The following FANCC variants were observed in gnomAD, a reference collection of about 807,000 sequenced individuals.
The protein encoded by FANCC is Fanconi anemia group C protein.
Under a neutral mutation model 71.3 loss-of-function variants are expected in FANCC, and 55 were observed. The observed-to-expected ratio is 0.77, with a 90% confidence interval of 0.62 to 0.97. FANCC has a LOEUF of 0.97. FANCC is among the 50% of genes least tolerant of loss of function. The pLI, the probability that FANCC is intolerant of heterozygous loss-of-function variation, is 0.00. For missense variants in FANCC, 678 were observed against 670.9 expected (o/e 1.01, Z -0.12); for synonymous variants, 275 against 244.9 (o/e 1.12, Z -1.15).
intron 4 of FANCC, among the ~76,000 whole-genome samples, chr9:95,198,065 G>A (rs530152199): frequency 5.2e-4 from 79 of 152,270 alleles, no homozygotes; most frequent in African/African-American, 1.9e-3. Flanking sequence ...AGGGCTCCAT[G>A]CCAGAGTCTT....
At chr9:95,235,075 T>C (rs1444077334) in intron 4 of FANCC, among the ~76,000 whole-genome samples, 35 of 152,198 alleles carry the variant, frequency 2.3e-4, no homozygotes. Context: ...TACCAGGACC[T>C]TGTGTCCAGT....
intron 1 of FANCC, chr9:95,293,863 T>G: frequency 1.2e-6 from 2 of 1,609,260 alleles, no homozygotes; most frequent in Non-Finnish European, 8.5e-7. Flanking sequence ...CATGTACAGA[T>G]GGACCAAGCT....
At chr9:95,155,558 G>GC (rs1830426507) in intron 6 of FANCC, among the ~76,000 whole-genome samples, 1 of 151,592 alleles carries the variant, frequency 6.6e-6, no homozygotes, top group Non-Finnish European at 1.5e-5. Flanking sequence ...CCCATTATTT[G>GC]ATTCTACTGG....
chr9:95,151,129 G>A (rs1028679636), intron 6 of FANCC, among the ~76,000 whole-genome samples: 1 of 152,018 alleles, frequency 6.6e-6, no homozygotes, highest in African/African-American at 2.4e-5. Flanking sequence ...CCTCTTACCC[G>A]TGCTTTACTT....
chr9:95,119,548 T>C (rs915050810), intron 10 of FANCC, among the ~76,000 whole-genome samples: 3 of 152,058 alleles, frequency 2.0e-5, no homozygotes, highest in African/African-American at 7.2e-5. Flanking sequence ...GTATTTTTAG[T>C]AGAGACGGGG....
intron 4 of FANCC, among the ~76,000 whole-genome samples, chr9:95,200,487 A>C (rs1261211483): frequency 1.3e-5 from 2 of 152,174 alleles, no homozygotes; most frequent in Non-Finnish European, 2.9e-5. Context: ...ACTATCAAGG[A>C]GGTCTAAGCA....
At position 95,107,302 on chromosome 9, in the gene FANCC, G is replaced by A. The variant is rs1360176396; in HGVS notation, c.1330-33C>T. The A allele has an allele frequency of 1.9e-6, 3 of 1,599,882 alleles. No individual in the cohort carries two copies. In the East Asian group the frequency reaches 6.7e-5, roughly 36 times the overall value. On this transcript the variant is annotated intron_variant, in intron 13 of 14. Transcript: ENST00000289081. ...ATAGTATTTCACAGGGGAGAGGTTA[G>A]GAAGAGGCAGGACAGACATACTTCT... is the stretch of plus-strand genomic sequence containing the variant.
rs984046096 is a variant in FANCC, at chr9:95,299,736, C to T, written c.-79+17790G>A. On this transcript the variant is annotated intron_variant, in intron 1 of 14. Transcript: ENST00000289081. ...ATTAGCCAGACATGGTGGCGCATGC[C>T]TGTGGTTCCAGCTACACGGGAGGCT... 2.4e-4 allele frequency among the ~76,000 whole-genome samples: 36 copies of T among 152,150 alleles called. 1 individual carries two copies. Among genetic ancestry groups the T allele is most frequent in the Non-Finnish European group, 4.4e-5 (3 of 68,038 alleles).
At chr9:95,192,051 T>C (rs571060604) in intron 4 of FANCC, among the ~76,000 whole-genome samples, 1 of 152,238 alleles carries the variant, frequency 6.6e-6, no homozygotes. Flanking sequence ...TTGTTCTGAA[T>C]GCAGTAATAC....
rs117882425 is a variant in FANCC, at chr9:95,263,886, T to C, written c.-78-14517A>G. On this transcript the variant is annotated intron_variant, in intron 1 of 14. Transcript: ENST00000289081. ...TAGGAACAGGTATATTATGGAAATATAGGGCATGAGAACTGAACTTCAACA... is the reference window on the plus strand; with the variant it reads ...TAGGAACAGGTATATTATGGAAATACAGGGCATGAGAACTGAACTTCAACA... 2.9e-3 allele frequency among the ~76,000 whole-genome samples: 439 copies of C among 152,284 alleles called. 12 individuals are homozygous for C. The highest frequency in any genetic ancestry group is 3.4e-3 in the Non-Finnish European group (229 of 68,014).
At chr9:95,190,550 T>C (rs1484603090) in intron 4 of FANCC, among the ~76,000 whole-genome samples, 1 of 152,172 alleles carries the variant, frequency 6.6e-6, no homozygotes, top group African/African-American at 2.4e-5. Context: ...CAGAACTCCA[T>C]GCTACAAACC....
chr9:95,126,715 C>T (rs377355652), intron 8 of FANCC, 134 bp from the exon 9 acceptor site: 7 of 853,882 alleles, frequency 8.2e-6, no homozygotes, highest in Admixed American at 4.0e-5. Context: ...GTTAGAAGAA[C>T]GAACCACTGC....
At chr9:95,316,141 T>C (rs528067095) in intron 1 of FANCC, among the ~76,000 whole-genome samples, 1 of 152,346 alleles carries the variant, frequency 6.6e-6, no homozygotes, top group African/African-American at 2.4e-5. Context: ...CAAAGTATAA[T>C]TAGTCCAGTT....
chr9:95,218,878 G>A (rs749826951), intron 4 of FANCC, among the ~76,000 whole-genome samples: 5 of 152,176 alleles, frequency 3.3e-5, no homozygotes, highest in Non-Finnish European at 7.3e-5. Context: ...TGTGGAAACA[G>A]GTCAAGGATA....
At chr9:95,123,295 G>A (rs927466362) in intron 10 of FANCC, 2 of 294,168 alleles carry the variant, frequency 6.8e-6, no homozygotes, top group Non-Finnish European at 1.3e-5. Context: ...CAGAGTAAGA[G>A]CCTGTCTCAA....
intron 1 of FANCC, among the ~76,000 whole-genome samples, chr9:95,311,978 A>G (rs1835434248): frequency 6.6e-6 from 1 of 152,216 alleles, no homozygotes; most frequent in African/African-American, 2.4e-5. Context: ...AAGTCAGGTC[A>G]TCTGGGAACC....
rs774613862 is a variant in FANCC at position 95,117,310 on chromosome 9, C to G, written c.1072+5G>C. 6.2e-7 allele frequency: 1 copy of G among 1,613,706 alleles called. No homozygotes were observed. Among genetic ancestry groups the G allele is most frequent in the East Asian group, 2.2e-5 (1 of 44,884 alleles). On this transcript the variant is annotated splice_donor_5th_base_variant and intron_variant, in intron 11 of 14. Coordinates refer to ENST00000289081, the MANE Select transcript of FANCC (RefSeq NM_000136.3). ...CTGATGTGGGCAAAGTCAACCCTAACTCACCTTGAGGGTCTTGCAGCAGCA... is the reference window on the plus strand; with the variant it reads ...CTGATGTGGGCAAAGTCAACCCTAAGTCACCTTGAGGGTCTTGCAGCAGCA...
At chr9:95,302,351 G>T (rs1163775632) in intron 1 of FANCC, among the ~76,000 whole-genome samples, 1 of 152,104 alleles carries the variant, frequency 6.6e-6, no homozygotes, top group Non-Finnish European at 1.5e-5. Context: ...CATTCAGTGA[G>T]CCAGGGCAAA....
intron 4 of FANCC, among the ~76,000 whole-genome samples, chr9:95,231,677 A>C (rs1445672041): frequency 6.6e-6 from 1 of 152,238 alleles, no homozygotes; most frequent in Non-Finnish European, 1.5e-5. Flanking sequence ...CCTATATTTG[A>C]AAGTTCCAAG....
Sources: allele counts gnomAD v4.1 joint callset (sites outside exome capture counted in the v4.1 genomes callset), GRCh38; gene constraint gnomAD v4.1.1; transcripts MANE v1.5; gene names NCBI Gene and HGNC (gene_info 2026-07-23, HGNC 2026-07-21).